Variants in MPLKIP observed in about 807,000 individuals in gnomAD.
MPLKIP encodes the protein M-phase specific PLK1 interacting protein.
In MPLKIP, 16 loss-of-function variants were observed where a neutral mutation model predicts 16.9. The ratio of observed to expected loss-of-function variants is 0.94; its 90% CI spans 0.64 to 1.43. The LOEUF is 1.43. Ranked by LOEUF, MPLKIP falls within the 40% of genes most tolerant of loss-of-function variation. The pLI, the probability that MPLKIP is intolerant of heterozygous loss-of-function variation, is 0.00. For synonymous variants in MPLKIP, 126 were observed against 98.4 expected, an observed-to-expected ratio of 1.28 and a Z score of -1.66; for missense variants, 282 against 237.6, an observed-to-expected ratio of 1.19 and a Z score of -1.23.
At chr7:40,134,175 G>A in intron 1 of MPLKIP, 54 bp downstream of exon 1, 1 of 1,524,470 alleles carries the variant, frequency 6.6e-7, no homozygotes, top group Non-Finnish European at 8.9e-7. Context: ...GGGAATATTA[G>A]TACCGTGCCT....
In MPLKIP at chr7:40,126,248, T is replaced by G. The variant is rs1037481984; in HGVS notation, c.*6811A>C. ...TACAGCATATTGTTTTGCAGACTTT[T>G]AAATTTGACGTAAAGAATATCACAT... is the stretch of plus-strand genomic sequence containing the variant. On this transcript the variant is annotated 3_prime_UTR_variant, in exon 2 of 2. Coordinates refer to ENST00000306984, the MANE Select transcript of MPLKIP (RefSeq NM_138701.4). The G allele has an allele frequency of 5.3e-5, 8 of 152,228 alleles. No individual in the cohort carries two copies. Among genetic ancestry groups the G allele is most frequent in the Non-Finnish European group, 1.0e-4 (7 of 68,044 alleles). The allele number at this position is 152,228 out of a possible 1,614,324, so 9.4% of individuals were successfully genotyped here.
chr7:40,132,233 C>G lies in MPLKIP; in HGVS notation c.*826G>C, dbSNP rs1262771697. On this transcript the variant is annotated 3_prime_UTR_variant, in exon 2 of 2. Coordinates refer to ENST00000306984, the MANE Select transcript of MPLKIP (RefSeq NM_138701.4). ...AATTAGGTCTCACTGTGGCCTTGGC[C>G]ACAGTTAATTGGTTCAATAATACAG... is the stretch of plus-strand genomic sequence containing the variant. 6.6e-6 allele frequency: 1 copy of G among 152,166 alleles called. No individual in the cohort carries two copies. The highest frequency in any genetic ancestry group is 1.5e-5 in the Non-Finnish European group (1 of 68,052). The allele number at this position is 152,166 out of a possible 1,614,324, so 9.4% of individuals were successfully genotyped here.
rs1441355842 is a variant in MPLKIP, at chr7:40,128,371, A to G, written c.*4688T>C. 9 of 152,206 alleles carry G rather than the reference A, an allele frequency of 5.9e-5. No homozygotes were observed. In the East Asian group the frequency reaches 1.7e-3, roughly 29 times the overall value. The allele number at this position is 152,206 out of a possible 1,614,324, so 9.4% of individuals were successfully genotyped here. A position where few individuals can be genotyped will look rare whatever the true frequency, so the allele number is the denominator to read the frequency against. The stretch of plus-strand genomic sequence containing the variant: ...CTTTGGCCTATGTAAAACAATTAAT[A>G]TGGAATTTATAGAACCTAATAATAA... On this transcript the variant is annotated 3_prime_UTR_variant, in exon 2 of 2. Transcript: ENST00000306984.
intron 1 of MPLKIP, among the ~76,000 whole-genome samples, 180 bp downstream of exon 1, chr7:40,134,049 T>C (rs573720078): frequency 6.6e-6 from 1 of 152,298 alleles, no homozygotes; most frequent in Admixed American, 6.5e-5. Context: ...GCTCTGCCAC[T>C]CTTTCGGATA....
At position 40,130,024 on chromosome 7, in the gene MPLKIP, A is replaced by G. The variant is rs1421046103; in HGVS notation, c.*3035T>C. On this transcript the variant is annotated 3_prime_UTR_variant, in exon 2 of 2. Coordinates refer to ENST00000306984, the MANE Select transcript of MPLKIP (RefSeq NM_138701.4). Reference sequence around the variant, plus strand: ...TATGGATATGTTTTTATGTAGGTCAATTTTAATAAAGGATTTACATGGGCA... The same window carrying G: ...TATGGATATGTTTTTATGTAGGTCAGTTTTAATAAAGGATTTACATGGGCA... The G allele has an allele frequency of 6.6e-6, 1 of 152,172 alleles. No homozygotes were observed. Among genetic ancestry groups the G allele is most frequent in the Non-Finnish European group, 1.5e-5 (1 of 68,012 alleles). 9.4% of individuals were successfully genotyped at this position (152,172 alleles called of 1,614,324 possible).
At chr7:40,134,135 G>C in intron 1 of MPLKIP, 94 bp downstream of exon 1, 1 of 1,425,546 alleles carries the variant, frequency 7.0e-7, no homozygotes, top group Non-Finnish European at 9.6e-7. Flanking sequence ...TAGTACCTCA[G>C]AGAGGATTAG....
In MPLKIP at chr7:40,134,343, C is replaced by A; in HGVS notation, c.225G>T (p.Gly75=). ...CAGGGGACGGAGACCCGAACCGGCC[C>A]CCCGGGAAGCTGCCGCCGTGTCGCG... The part of the protein sequence containing the change: ...HSPRHGGSFP[G]GRFGSPSPGG... The change falls in exon 1 of 2, where the codon GGG becomes GGT. Residue 75 remains glycine (G), a synonymous_variant. Transcript: ENST00000306984. 6.4e-7 allele frequency: 1 copy of A among 1,552,974 alleles called. No homozygotes were observed.
In MPLKIP at chr7:40,133,199, T is replaced by C. The variant is rs1177585492; in HGVS notation, c.400A>G (p.Asn134Asp). ...GGCTTGAAATAATTTTCCAACTCAT[T>C]AGACATTCTTTTTTCTCTAACACGC... The part of the protein sequence containing the change: ...SGRVREKRMS[N>D]ELENYFKPSM... Residue 134 changes from asparagine (N) to aspartate (D), a missense_variant, in exon 2 of 2, where the codon AAT becomes GAT. By Grantham distance (23) the Asn-to-Asp change is conservative. Coordinates refer to ENST00000306984, the MANE Select transcript of MPLKIP (RefSeq NM_138701.4). 4 of 1,613,792 alleles carry C rather than the reference T, an allele frequency of 2.5e-6. No individual in the cohort carries two copies. Among genetic ancestry groups the C allele is most frequent in the African/African-American group, 2.7e-5 (2 of 74,938 alleles).
In MPLKIP at chr7:40,128,915, C is replaced by CAAAAAAAAAAAAAAAAAA. The variant is rs764163833; in HGVS notation, c.*4126_*4143dup. 1 of 62,404 alleles carries CAAAAAAAAAAAAAAAAAA rather than the reference C, an allele frequency of 1.6e-5. No homozygotes were observed. Among genetic ancestry groups the CAAAAAAAAAAAAAAAAAA allele is most frequent in the Non-Finnish European group, 3.0e-5 (1 of 33,848 alleles). 3.9% of individuals were successfully genotyped at this position (62,404 alleles called of 1,614,324 possible). On this transcript the variant is annotated 3_prime_UTR_variant, in exon 2 of 2. Transcript: ENST00000306984. ...TGGGTGACAGAACAAGACTTCGTCT[C>CAAAAAAAAAAAAAAAAAA]AAAAAAAAAAAAAAAAAAAAAAGAA...
intron 1 of MPLKIP, 88 bp downstream of exon 1, chr7:40,134,141 A>G: frequency 6.9e-7 from 1 of 1,452,288 alleles, no homozygotes; most frequent in South Asian, 1.2e-5. Flanking sequence ...CTCAGAGAGG[A>G]TTAGACAAAA....
Position 40,126,121 on chromosome 7 carries a change from C to G in MPLKIP, c.*6938G>C, listed in dbSNP as rs556908212. On this transcript the variant is annotated 3_prime_UTR_variant, in exon 2 of 2. Transcript: ENST00000306984. ...CTCACACATCCATGTCCATCTGAAG[C>G]TTGTATCTCCCTGAACCCACCCCAA... 2 of 152,284 alleles carry G rather than the reference C, an allele frequency of 1.3e-5. No homozygotes were observed. Among genetic ancestry groups the G allele is most frequent in the South Asian group, 4.1e-4 (2 of 4,830 alleles). The allele number at this position is 152,284 out of a possible 1,614,324, so 9.4% of individuals were successfully genotyped here. A position where few individuals can be genotyped will look rare whatever the true frequency, so the allele number is the denominator to read the frequency against.
chr7:40,129,251 T>G lies in MPLKIP; in HGVS notation c.*3808A>C, dbSNP rs1414999918. 2 of 134,962 alleles carry G rather than the reference T, an allele frequency of 1.5e-5. No homozygotes were observed. Among genetic ancestry groups the G allele is most frequent in the African/African-American group, 6.1e-5 (2 of 32,868 alleles). The allele number at this position is 134,962 out of a possible 1,614,324, so 8.4% of individuals were successfully genotyped here. A position where few individuals can be genotyped will look rare whatever the true frequency, so the allele number is the denominator to read the frequency against. The stretch of plus-strand genomic sequence containing the variant: ...TTCTGAACATCTCCACACGGGCCAA[T>G]ATAACTTATTTTTTTTTTTTTTTGA... On this transcript the variant is annotated 3_prime_UTR_variant, in exon 2 of 2. Coordinates refer to ENST00000306984, the MANE Select transcript of MPLKIP (RefSeq NM_138701.4).
Position 40,126,966 on chromosome 7 carries a change from C to T in MPLKIP, c.*6093G>A, listed in dbSNP as rs1776908085. On this transcript the variant is annotated 3_prime_UTR_variant, in exon 2 of 2. Transcript: ENST00000306984. ...GGACTACAGGCGCCCGCCACCATGC[C>T]TGGCTATTTTTTTTTTTTTATTTTT... 5 of 151,822 alleles carry T rather than the reference C, an allele frequency of 3.3e-5. No individual in the cohort carries two copies. The highest frequency in any genetic ancestry group is 1.2e-4 in the African/African-American group (5 of 41,336). The allele number at this position is 151,822 out of a possible 1,614,324, so 9.4% of individuals were successfully genotyped here.
Position 40,126,288 on chromosome 7 carries a change from CTT to C in MPLKIP, c.*6769_*6770del, listed in dbSNP as rs1203584519. ...GAATATCACATAAGTTTTGCTTTGG[CTT>C]TTGTTTGTACACAATTTTAGATTTA... On this transcript the variant is annotated 3_prime_UTR_variant, in exon 2 of 2. Coordinates refer to ENST00000306984, the MANE Select transcript of MPLKIP (RefSeq NM_138701.4). The C allele has an allele frequency of 6.6e-6, 1 of 152,146 alleles. No homozygotes were observed. The highest frequency in any genetic ancestry group is 1.5e-5 in the Non-Finnish European group (1 of 68,026). 9.4% of individuals were successfully genotyped at this position (152,146 alleles called of 1,614,324 possible). A position where few individuals can be genotyped will look rare whatever the true frequency, so the allele number is the denominator to read the frequency against.
intron 1 of MPLKIP, among the ~76,000 whole-genome samples, chr7:40,133,779 CTCTG>C (rs1323615484): frequency 6.7e-6 from 1 of 149,792 alleles, no homozygotes; most frequent in East Asian, 1.9e-4. Context: ...GAGATACTCT[CTCTG>C]TCTTTTGTAT....
chr7:40,132,796 G>A lies in MPLKIP; in HGVS notation c.*263C>T. On this transcript the variant is annotated 3_prime_UTR_variant, in exon 2 of 2. Transcript: ENST00000306984. ...ATTGAAAAAACATTAAAAGACAAAT[G>A]TCCATTATGTAACCAGGAATGTTAA... 2.1e-6 allele frequency: 1 copy of A among 475,108 alleles called. No individual in the cohort carries two copies. The highest frequency in any genetic ancestry group is 3.8e-6 in the Non-Finnish European group (1 of 262,128). The allele number at this position is 475,108 out of a possible 1,614,324, so 29.4% of individuals were successfully genotyped here. A position where few individuals can be genotyped will look rare whatever the true frequency, so the allele number is the denominator to read the frequency against.
In MPLKIP at chr7:40,134,584, GA is replaced by G; in HGVS notation, c.-18del. The G allele has an allele frequency of 6.4e-7, 1 of 1,570,766 alleles. No homozygotes were observed. The stretch of plus-strand genomic sequence containing the variant: ...TCGCTGCATATCAGGAGCCAAAGCC[GA>G]AAACCTCGCAGCCGCGTTCTCCCAC... On this transcript the variant is annotated 5_prime_UTR_variant, in exon 1 of 2. Coordinates refer to ENST00000306984, the MANE Select transcript of MPLKIP (RefSeq NM_138701.4).
rs1368443688 is a variant in MPLKIP, at chr7:40,129,785, T to TG, written c.*3273dup. On this transcript the variant is annotated 3_prime_UTR_variant, in exon 2 of 2. Coordinates refer to ENST00000306984, the MANE Select transcript of MPLKIP (RefSeq NM_138701.4). ...CCTATAAGGAGACCCTCTAACTCTTTGAAAAAAAAAAAAAGTCTGTTAATG... is the reference window on the plus strand; with the variant it reads ...CCTATAAGGAGACCCTCTAACTCTTTGGAAAAAAAAAAAAAGTCTGTTAATG... 1 of 117,810 alleles carries TG rather than the reference T, an allele frequency of 8.5e-6. No homozygotes were observed. Among genetic ancestry groups the TG allele is most frequent in the Non-Finnish European group, 1.9e-5 (1 of 53,330 alleles). The allele number at this position is 117,810 out of a possible 1,614,324, so 7.3% of individuals were successfully genotyped here. A position where few individuals can be genotyped will look rare whatever the true frequency, so the allele number is the denominator to read the frequency against.
rs777654842 is a variant in MPLKIP, at chr7:40,134,286, G to A, written c.282C>T (p.Pro94=). ...AGCCGAATTGCTGCTGGGACCCCGC[G>A]GGGGACCTGGAGTAGGAGCCAGGGT... ...GGYPGSYSRS[P]AGSQQQFGYS... The change falls in exon 1 of 2, where the codon CCC becomes CCT. Residue 94 remains proline (P), a synonymous_variant. Coordinates refer to ENST00000306984, the MANE Select transcript of MPLKIP (RefSeq NM_138701.4). 1.3e-6 allele frequency: 2 copies of A among 1,560,150 alleles called. No homozygotes were observed. The highest frequency in any genetic ancestry group is 2.4e-5 in the East Asian group (1 of 41,754).
Sources: allele counts gnomAD v4.1 joint callset (sites outside exome capture counted in the v4.1 genomes callset), GRCh38; gene constraint gnomAD v4.1.1; transcripts MANE v1.5; gene names NCBI Gene and HGNC (gene_info 2026-07-23, HGNC 2026-07-21).